The following RTN1 variants were observed in gnomAD, a reference collection of about 807,000 sequenced individuals.
RTN1 encodes the protein reticulon-1.
A neutral mutation model predicts 65.5 loss-of-function variants in RTN1; 25 were observed. That is an observed-to-expected ratio of 0.38 (90% CI 0.28 to 0.53). The LOEUF is 0.53. RTN1 is among the 20% of genes least tolerant of loss of function. The probability of loss-of-function intolerance (pLI) is 0.79; values close to 1 mark genes in which losing one functional copy is unlikely to be tolerated. For missense variants in RTN1, 983 were observed against 1,025.4 expected (o/e 0.96, Z 0.57); for synonymous variants, 471 against 447.6 (o/e 1.05, Z -0.66).
intron 3 of RTN1, chr14:59,607,733 A>T (rs2140164415): frequency 1.9e-6 from 1 of 523,756 alleles, no homozygotes. Context: ...AAGACTATTG[A>T]ATCTCCATTG....
intron 1 of RTN1, among the ~76,000 whole-genome samples, chr14:59,759,591 A>G (rs991089758): frequency 4.6e-5 from 7 of 152,276 alleles, no homozygotes; most frequent in Admixed American, 6.5e-5. Context: ...GTCTTCATCT[A>G]TTAGTGAAAA....
chr14:59,717,012 G>A (rs556322004), intron 3 of RTN1, among the ~76,000 whole-genome samples: 26 of 151,782 alleles, frequency 1.7e-4, no homozygotes, highest in African/African-American at 5.8e-4. Flanking sequence ...AAGAAGTAGA[G>A]GTTGAATATT....
At chr14:59,704,780 G>C (rs572313067) in intron 3 of RTN1, among the ~76,000 whole-genome samples, 50 of 152,282 alleles carry the variant, frequency 3.3e-4, no homozygotes, top group African/African-American at 1.2e-3. Flanking sequence ...TGCTGCAGCT[G>C]ATTCCCGGAC....
rs750553960 is a variant in RTN1, at chr14:59,727,541, G to C, written c.1143C>G (p.Ala381=). Residue 381 remains alanine (A), a synonymous_variant, in exon 3 of 9, where the codon GCC becomes GCG. Coordinates refer to ENST00000267484, the MANE Select transcript of RTN1 (RefSeq NM_021136.3). The surrounding 1 kb of genome is among the most constrained non-coding windows in gnomAD (Gnocchi z 4.2). ...ACCTGGCCTTGACCTCGGGCCTGTC[G>C]GCCAGCTGGCCCACCGGCCGTGGGT... ...AENPRPVGQL[A]DRPEVKARSG... 1 of 1,609,868 alleles carries C rather than the reference G, an allele frequency of 6.2e-7. No homozygotes were observed.
chr14:59,730,354 T>C lies in RTN1; in HGVS notation c.1016-2686A>G, dbSNP rs577847786. 1.6e-4 allele frequency among the ~76,000 whole-genome samples: 24 copies of C among 152,310 alleles called. 1 individual carries two copies. The South Asian group carries it at 3.7e-3, about 24-fold the overall frequency. ...AGAATGAAATTAAACCCCTACCTCA[T>C]GTTGTATTTTAAAATTTCCTTCAAA... On this transcript the variant is annotated intron_variant, in intron 2 of 8. Transcript: ENST00000267484.
At chr14:59,645,416 T>A in intron 3 of RTN1, among the ~76,000 whole-genome samples, 1 of 151,926 alleles carries the variant, frequency 6.6e-6, no homozygotes. Context: ...TTTCTATATG[T>A]TACATGTTTT....
At chr14:59,650,819 T>C (rs1450697874) in intron 3 of RTN1, among the ~76,000 whole-genome samples, 1 of 152,220 alleles carries the variant, frequency 6.6e-6, no homozygotes, top group Admixed American at 6.5e-5. Flanking sequence ...ATCATTAAAA[T>C]GGCCATACTG....
chr14:59,671,515 A>G (rs1883504309), intron 3 of RTN1, among the ~76,000 whole-genome samples: 1 of 152,254 alleles, frequency 6.6e-6, no homozygotes, highest in Admixed American at 6.5e-5. Flanking sequence ...AGTGTTTCAC[A>G]TGGATTATTT....
chr14:59,788,863 TAAGG>T (rs1886298069), intron 1 of RTN1, among the ~76,000 whole-genome samples: 1 of 152,156 alleles, frequency 6.6e-6, no homozygotes, highest in Non-Finnish European at 1.5e-5. Flanking sequence ...CAAGTTCCAA[TAAGG>T]ATGCATTGAT....
At chr14:59,758,551 A>T (rs1241463197) in intron 1 of RTN1, among the ~76,000 whole-genome samples, 1 of 152,078 alleles carries the variant, frequency 6.6e-6, no homozygotes, top group Non-Finnish European at 1.5e-5. Context: ...CCCAAATCCA[A>T]ATAACATCTC....
At chr14:59,682,885 A>G (rs1282953310) in intron 3 of RTN1, among the ~76,000 whole-genome samples, 1 of 152,168 alleles carries the variant, frequency 6.6e-6, no homozygotes, top group Non-Finnish European at 1.5e-5. Context: ...TAATTTGCCT[A>G]ATAGAAATCT....
chr14:59,708,301 A>T (rs1296081505), intron 3 of RTN1, among the ~76,000 whole-genome samples: 1 of 152,264 alleles, frequency 6.6e-6, no homozygotes, highest in Non-Finnish European at 1.5e-5. Context: ...TTTCCATAGC[A>T]ACAGCAGCAA....
rs1335460575 is a variant in RTN1, at chr14:59,746,012, A to G, written c.711T>C (p.Arg237=). 1 of 1,614,058 alleles carries G rather than the reference A, an allele frequency of 6.2e-7. No homozygotes were observed. Among genetic ancestry groups the G allele is most frequent in the East Asian group, 2.2e-5 (1 of 44,898 alleles). The part of the protein sequence containing the change: ...TDISIKPEGV[R]EPDKPAPVEG... ...CCACAGGAGCTGGTTTGTCAGGTTC[A>G]CGGACTCCTTCAGGTTTAATTGAGA... Residue 237 remains arginine (R), a synonymous_variant, in exon 2 of 9, where the codon CGT becomes CGC. Coordinates refer to ENST00000267484, the MANE Select transcript of RTN1 (RefSeq NM_021136.3).
chr14:59,655,471 A>T (rs1424518332), intron 3 of RTN1, among the ~76,000 whole-genome samples: 1 of 152,212 alleles, frequency 6.6e-6, no homozygotes, highest in East Asian at 1.9e-4. Context: ...TGACAACGGG[A>T]TCCTAAAATT....
chr14:59,646,669 A>G (rs1009348306), intron 3 of RTN1, among the ~76,000 whole-genome samples: 33 of 152,232 alleles, frequency 2.2e-4, no homozygotes, highest in African/African-American at 7.7e-4. Context: ...TCTTCAACCA[A>G]GAATTTCATA....
At chr14:59,743,797 C>T (rs1437024760) in intron 2 of RTN1, among the ~76,000 whole-genome samples, 2 of 152,124 alleles carry the variant, frequency 1.3e-5, no homozygotes, top group African/African-American at 2.4e-5. Flanking sequence ...CTCCAGGGCT[C>T]GTCAGCACCG....
At chr14:59,643,363 G>A (rs1882823060) in intron 3 of RTN1, among the ~76,000 whole-genome samples, 1 of 152,184 alleles carries the variant, frequency 6.6e-6, no homozygotes, top group Admixed American at 6.5e-5. Context: ...GGGATTACAG[G>A]TGCCTGCCAC....
chr14:59,776,694 C>G (rs1257904650), intron 1 of RTN1, among the ~76,000 whole-genome samples: 1 of 152,128 alleles, frequency 6.6e-6, no homozygotes, highest in Non-Finnish European at 1.5e-5. Context: ...CCCTTACCCT[C>G]TCTGATGCTC....
At chr14:59,832,835 C>T (rs547819355) in intron 1 of RTN1, among the ~76,000 whole-genome samples, 26 of 152,248 alleles carry the variant, frequency 1.7e-4, no homozygotes, top group South Asian at 4.2e-4. Flanking sequence ...AGACAGGTTC[C>T]GGAGATTTAT....
Sources: gnomAD v4.1 joint callset for allele counts (sites outside exome capture counted in the v4.1 genomes callset) on GRCh38, gnomAD v4.1.1 for gene constraint, Gnocchi (gnomAD v3.1) non-coding constraint, MANE v1.5 for transcripts, NCBI Gene and HGNC (gene_info 2026-07-23, HGNC 2026-07-21) for gene names.